The following ARSG variants were observed in gnomAD, a reference collection of about 807,000 sequenced individuals.
ARSG encodes the protein arylsulfatase G, also known as ASG.
Under a neutral mutation model 50.5 loss-of-function variants are expected in ARSG, and 37 were observed. The ratio of observed to expected loss-of-function variants is 0.73; its 90% CI spans 0.56 to 0.96. The LOEUF (loss-of-function observed/expected upper bound fraction) is 0.96, where lower values mean the gene tolerates loss of function less well. Ranked by LOEUF, ARSG falls within the 50% of genes least tolerant of loss-of-function variation. The pLI is 0.00. For synonymous variants in ARSG, 225 were observed against 254.6 expected (o/e 0.88, Z 1.11); for missense variants, 629 against 675.3 (o/e 0.93, Z 0.76).
At chr17:68,351,549 G>A in intron 4 of ARSG, 26 bp from the exon 5 acceptor site, 1 of 1,362,572 alleles carries the variant, frequency 7.3e-7, no homozygotes, top group Non-Finnish European at 1.1e-6. Flanking sequence ...CCACGTGGGG[G>A]TGCTAACCGG....
chr17:68,376,756 C>T (rs1180137523), intron 8 of ARSG, among the ~76,000 whole-genome samples: 1 of 152,062 alleles, frequency 6.6e-6, no homozygotes, highest in African/African-American at 2.4e-5. Flanking sequence ...AAGTACCAGC[C>T]TCATTTCCAC....
chr17:68,382,310 CCCCATCTGAA>C, intron 8 of ARSG, among the ~76,000 whole-genome samples: 1 of 152,092 alleles, frequency 6.6e-6, no homozygotes, highest in Admixed American at 6.6e-5. Context: ...GCTTTGGTTT[CCCCATCTGAA>C]AGATGGGGAC....
intron 9 of ARSG, among the ~76,000 whole-genome samples, chr17:68,394,747 T>G (rs1026318176): frequency 1.3e-5 from 2 of 152,198 alleles, no homozygotes; most frequent in African/African-American, 4.8e-5. Context: ...AAGGGGGGAC[T>G]ACTATATTAT....
chr17:68,338,691 A>T (rs1339237394), intron 2 of ARSG, among the ~76,000 whole-genome samples: 3 of 152,186 alleles, frequency 2.0e-5, no homozygotes, highest in Non-Finnish European at 2.9e-5. Context: ...GGGAATCCTT[A>T]TATGAGCCCA....
At chr17:68,437,948 T>TAAAAAAA in the ARSG span, among the ~76,000 whole-genome samples, 144 of 78,780 alleles carry the variant, frequency 1.8e-3, 6 homozygotes, top group African/African-American at 6.4e-3. Flanking sequence ...ACATCTCTCT[T>TAAAAAAA]AAAAAAAAAA....
At chr17:68,377,161 C>T (rs12951791) in intron 8 of ARSG, among the ~76,000 whole-genome samples, 40,520 of 151,964 alleles carry the variant, frequency 0.27, 5,815 homozygotes, top group Middle Eastern at 0.34. Flanking sequence ...CGTGCTTGGC[C>T]GACCTCAGCG....
chr17:68,336,178 T>C (rs1286641366), intron 2 of ARSG, among the ~76,000 whole-genome samples: 1 of 146,672 alleles, frequency 6.8e-6, no homozygotes, highest in Non-Finnish European at 1.5e-5. Flanking sequence ...GGATTACAGG[T>C]GTCAGCCACC....
chr17:68,368,786 G>A, intron 7 of ARSG, 42 bp downstream of exon 7: 1 of 1,598,572 alleles, frequency 6.3e-7, no homozygotes, highest in Non-Finnish European at 8.5e-7. Context: ...CCATTTAATA[G>A]ACAACCTTGC....
At chr17:68,369,037 A>G (rs903948977) in intron 7 of ARSG, among the ~76,000 whole-genome samples, 3 of 152,154 alleles carry the variant, frequency 2.0e-5, no homozygotes, top group Non-Finnish European at 2.9e-5. Context: ...AATGACATTG[A>G]CATTGTGAGC....
At chr17:68,436,541 G>A in the ARSG span, 2 of 1,506,342 alleles carry the variant, frequency 1.3e-6, no homozygotes, top group Non-Finnish European at 1.8e-6. Flanking sequence ...CACGGCTGGA[G>A]AGGGCATCTG....
chr17:68,430,943 A>G, the ARSG span, among the ~76,000 whole-genome samples: 10 of 152,258 alleles, frequency 6.6e-5, no homozygotes, highest in East Asian at 1.9e-3. Context: ...ATTCTTTACT[A>G]TGCTACCAAT....
At position 68,401,264 on chromosome 17, in the gene ARSG, C is replaced by A; in HGVS notation, c.1213-96C>A. On this transcript the variant is annotated intron_variant, in intron 10 of 11. Coordinates refer to ENST00000621439, the MANE Select transcript of ARSG (RefSeq NM_001267727.2). ...TTTCAAACTCCTGGGCTCAAGTGAT[C>A]CTCCTGCCTCGACCTCCCAAGGTAT... 2.8e-6 allele frequency: 3 copies of A among 1,068,176 alleles called. No individual in the cohort carries two copies. In the South Asian group the frequency reaches 4.2e-5, roughly 15 times the overall value. The allele number at this position is 1,068,176 out of a possible 1,614,324, so 66.2% of individuals were successfully genotyped here.
chr17:68,322,397 G>A (rs2077322791), intron 2 of ARSG, among the ~76,000 whole-genome samples: 1 of 152,204 alleles, frequency 6.6e-6, no homozygotes, highest in African/African-American at 2.4e-5. Context: ...GGGAGGCTGA[G>A]GCAGGCGGAT....
chr17:68,414,637 T>C (rs1251640955), intron 11 of ARSG, among the ~76,000 whole-genome samples: 7 of 152,186 alleles, frequency 4.6e-5, no homozygotes, highest in African/African-American at 1.7e-4. Flanking sequence ...GGAATTCTGC[T>C]GTGGATCCAT....
At chr17:68,274,013 C>T in intron 1 of ARSG, 1 of 1,614,122 alleles carries the variant, frequency 6.2e-7, no homozygotes, top group Non-Finnish European at 8.5e-7. Flanking sequence ...AAGTAGCCCC[C>T]CCAACATCAC....
Position 68,368,725 on chromosome 17 carries a change from C to T in ARSG, c.882C>T (p.Asn294=), listed in dbSNP as rs780798623. The T allele has an allele frequency of 8.7e-6, 14 of 1,613,416 alleles. No individual in the cohort carries two copies. Among genetic ancestry groups the T allele is most frequent in the Non-Finnish European group, 1.2e-5 (14 of 1,179,868 alleles). ...AAGTTGACCACACAGTGAAGGAAAA[C>T]ACATTCCTCTGGTTTACAGGTAAAG... ...KDKVDHTVKE[N]TFLWFTGDNG... is the part of the protein sequence containing the mutation. Residue 294 remains asparagine (N), a synonymous_variant, in exon 7 of 12, where the codon AAC becomes AAT. Transcript: ENST00000621439.
intron 11 of ARSG, among the ~76,000 whole-genome samples, chr17:68,412,872 C>T (rs1459286726): frequency 6.6e-6 from 1 of 152,078 alleles, no homozygotes; most frequent in Admixed American, 6.5e-5. Context: ...TCATTCATTT[C>T]ATCTTCCATC....
the ARSG span, among the ~76,000 whole-genome samples, chr17:68,434,789 A>G: frequency 1.3e-5 from 2 of 152,182 alleles, no homozygotes; most frequent in Non-Finnish European, 2.9e-5. Context: ...CATATCAACA[A>G]TTCTTGGAAA....
intron 8 of ARSG, among the ~76,000 whole-genome samples, chr17:68,379,296 A>C (rs2080306913): frequency 6.6e-6 from 1 of 152,100 alleles, no homozygotes. Flanking sequence ...GCTGCAGTGC[A>C]GTGGTCTGAT....
Sources: allele counts gnomAD v4.1 joint callset (sites outside exome capture counted in the v4.1 genomes callset), GRCh38; gene constraint gnomAD v4.1.1; transcripts MANE v1.5; gene names NCBI Gene and HGNC (gene_info 2026-07-23, HGNC 2026-07-21).